Variants in UGT2A3 observed in about 807,000 individuals in gnomAD.
The protein encoded by UGT2A3 is UDP glucuronosyltransferase family 2 member A3.
A neutral mutation model predicts 44.1 loss-of-function variants in UGT2A3; 55 were observed. The ratio of observed to expected loss-of-function variants is 1.25; its 90% CI spans 1.00 to 1.56. UGT2A3 has a LOEUF of 1.56. Ranked by LOEUF, UGT2A3 falls within the 40% of genes most tolerant of loss-of-function variation. The probability of loss-of-function intolerance (pLI) is 0.00; values close to 1 mark genes in which losing one functional copy is unlikely to be tolerated. For synonymous variants in UGT2A3, 243 were observed against 215.1 expected (o/e 1.13, Z -1.13); for missense variants, 733 against 621.6 (o/e 1.18, Z -1.91).
At chr4:68,937,953 G>T (rs1577849567) in intron 2 of UGT2A3, among the ~76,000 whole-genome samples, 1 of 151,912 alleles carries the variant, frequency 6.6e-6, no homozygotes, top group African/African-American at 2.4e-5. Context: ...ATAAACTAGA[G>T]AATCTAAAGA....
intron 2 of UGT2A3, among the ~76,000 whole-genome samples, 177 bp downstream of exon 2, chr4:68,945,127 AAT>A (rs1718336240): frequency 6.6e-6 from 1 of 151,696 alleles, no homozygotes; most frequent in African/African-American, 2.4e-5. Context: ...CTACTTTCTC[AAT>A]ATAATACCGA....
At chr4:68,947,910 C>T (rs1718438262) in intron 1 of UGT2A3, among the ~76,000 whole-genome samples, 1 of 151,740 alleles carries the variant, frequency 6.6e-6, no homozygotes, top group Non-Finnish European at 1.5e-5. Context: ...ATCATCCAGG[C>T]TTTGTTGTTC....
rs769667800 is a variant in UGT2A3 at position 68,951,427 on chromosome 4, C to A, written c.334G>T (p.Asp112Tyr). Residue 112 changes from aspartate to tyrosine, a missense_variant, in exon 1 of 6, where the codon GAT becomes TAT. Asp to Tyr is a radical substitution (Grantham distance 160). Transcript: ENST00000251566. ...GTTCCTCTTATTTCAACAAAAAAAT[C>A]ATTTAATTTTATAACTGATTGCCAG... ...STWQSVIKLN[D>Y]FFVEIRGTLK... is the part of the protein sequence containing the mutation. The A allele has an allele frequency of 6.8e-6, 11 of 1,611,518 alleles. No individual in the cohort carries two copies. Among genetic ancestry groups the A allele is most frequent in the Non-Finnish European group, 8.5e-6 (10 of 1,178,964 alleles).
intron 3 of UGT2A3, among the ~76,000 whole-genome samples, chr4:68,931,530 G>T (rs1230083012): frequency 2.0e-5 from 3 of 152,030 alleles, no homozygotes; most frequent in Non-Finnish European, 4.4e-5. Flanking sequence ...TAATTCAGCA[G>T]TGGCTAATCT....
intron 1 of UGT2A3, among the ~76,000 whole-genome samples, chr4:68,949,698 C>A (rs755384532): frequency 2.0e-5 from 3 of 152,022 alleles, no homozygotes; most frequent in Admixed American, 2.0e-4. Flanking sequence ...ATGAAATACA[C>A]CTGTGCGTAA....
Position 68,929,895 on chromosome 4 carries a change from G to A in UGT2A3, c.1502C>T (p.Thr501Ile). Reference protein sequence around the residue: ...VIGFLLACVATAIFLFTKCFL... With the variant: ...VIGFLLACVAIAIFLFTKCFL... Reference sequence around the variant, plus strand: ...ACATTTTGTGAACAAGAATATAGCAGTTGCCACACAGGCCAGCAGGAACCC... The same window carrying A: ...ACATTTTGTGAACAAGAATATAGCAATTGCCACACAGGCCAGCAGGAACCC... The change falls in exon 6 of 6, where the codon ACT (threonine) becomes ATT (isoleucine). Residue 501 changes from threonine (T) to isoleucine (I), a missense_variant. By Grantham distance (89) the Thr-to-Ile change is moderately conservative. Coordinates refer to ENST00000251566, the MANE Select transcript of UGT2A3 (RefSeq NM_024743.4). 1 of 1,613,058 alleles carries A rather than the reference G, an allele frequency of 6.2e-7. No homozygotes were observed.
chr4:68,935,387 T>C (rs1717910524), intron 2 of UGT2A3, among the ~76,000 whole-genome samples: 2 of 150,090 alleles, frequency 1.3e-5, no homozygotes, highest in Non-Finnish European at 3.0e-5. Context: ...TTTGCTGTTC[T>C]GCAGCCTCTT....
At chr4:68,930,318 A>G (rs533547743) in intron 5 of UGT2A3, among the ~76,000 whole-genome samples, 1 of 152,224 alleles carries the variant, frequency 6.6e-6, no homozygotes, top group South Asian at 2.1e-4. Flanking sequence ...AGATGTGAAT[A>G]AAAGCTTAGT....
At chr4:68,932,557 C>T in intron 3 of UGT2A3, 71 bp downstream of exon 3, 1 of 1,521,230 alleles carries the variant, frequency 6.6e-7, no homozygotes, top group Non-Finnish European at 8.8e-7. Context: ...AAATGAGATT[C>T]AAGACCCAAA....
chr4:68,951,190 A>G lies in UGT2A3; in HGVS notation c.571T>C (p.Tyr191His), dbSNP rs561986343. 8.6e-5 allele frequency: 139 copies of G among 1,612,110 alleles called. No homozygotes were observed. The South Asian group carries it at 1.4e-3, about 16-fold the overall frequency. The change falls in exon 1 of 6, where the codon TAT becomes CAT. Residue 191 changes from tyrosine (Y) to histidine (H), a missense_variant. By Grantham distance (83) the Tyr-to-His change is moderately conservative. Coordinates refer to ENST00000251566, the MANE Select transcript of UGT2A3 (RefSeq NM_024743.4). ...AGTCCTGTCATAGGCACAGGTACAT[A>G]GGAAAGTGGAGCTGGAAGTTTCCCA... ...SCGKLPAPLSYVPVPMTGLTD... is the reference protein window; with the variant it reads ...SCGKLPAPLSHVPVPMTGLTD...
chr4:68,930,698 A>G lies in UGT2A3; in HGVS notation c.1152T>C (p.His384=), dbSNP rs149047334. 1.5e-5 allele frequency: 24 copies of G among 1,613,092 alleles called. No homozygotes were observed. In the African/African-American group the frequency reaches 2.5e-4, roughly 17 times the overall value. ...GMNGIYEAIY[H]GVPMVGVPIF... ...TGGGAACTCCCACCATAGGGACCCC[A>G]TGGTAAATAGCTTCATAGATCCCAT... Residue 384 remains histidine, a synonymous_variant, in exon 5 of 6, where the codon CAT becomes CAC. Coordinates refer to ENST00000251566, the MANE Select transcript of UGT2A3 (RefSeq NM_024743.4).
intron 1 of UGT2A3, among the ~76,000 whole-genome samples, chr4:68,946,537 T>C (rs1219011777): frequency 6.6e-6 from 1 of 151,694 alleles, no homozygotes; most frequent in East Asian, 1.9e-4. Context: ...GTGCCTCACA[T>C]GCTGCCTGCA....
intron 3 of UGT2A3, 135 bp from the exon 4 acceptor site, chr4:68,931,377 G>T: frequency 1.7e-6 from 1 of 577,972 alleles, no homozygotes; most frequent in South Asian, 3.3e-5. Flanking sequence ...GAGCTACCGC[G>T]TAAAGACTGA....
intron 2 of UGT2A3, among the ~76,000 whole-genome samples, chr4:68,933,614 A>G (rs7666446): frequency 0.73 from 110,884 of 151,870 alleles, 42,104 homozygotes; most frequent in Non-Finnish European, 0.86. Context: ...AGTACAGGAG[A>G]CACAATCCAA....
chr4:68,935,276 G>GTATGTATATATA (rs1717895427), intron 2 of UGT2A3, among the ~76,000 whole-genome samples: 3 of 60,118 alleles, frequency 5.0e-5, no homozygotes, highest in Non-Finnish European at 1.0e-4. Flanking sequence ...ATGTATGTAT[G>GTATGTATATATA]TATATATATA....
At chr4:68,931,429 G>A (rs1311380080) in intron 3 of UGT2A3, among the ~76,000 whole-genome samples, 187 bp from the exon 4 acceptor site, 2 of 151,984 alleles carry the variant, frequency 1.3e-5, no homozygotes, top group East Asian at 3.9e-4. Context: ...TTAAAATAAT[G>A]TGTACCAGTT....
intron 2 of UGT2A3, among the ~76,000 whole-genome samples, chr4:68,940,849 C>A (rs1212477812): frequency 6.7e-6 from 1 of 149,944 alleles, no homozygotes; most frequent in East Asian, 2.0e-4. Context: ...GGCATGAAAA[C>A]AGATACATAC....
Position 68,932,551 on chromosome 4 carries a change from G to T in UGT2A3, c.996+77C>A, listed in dbSNP as rs1011510245. 2.0e-6 allele frequency: 3 copies of T among 1,508,288 alleles called. No individual in the cohort carries two copies. In the Admixed American group the frequency reaches 6.4e-5, roughly 32 times the overall value. 93.4% of individuals were successfully genotyped at this position (1,508,288 alleles called of 1,614,324 possible). On this transcript the variant is annotated intron_variant, in intron 3 of 5. Transcript: ENST00000251566. Reference sequence around the variant, plus strand: ...GTACCTGTTATGCTAAGTGGAAAATGAGATTCAAGACCCAAATAAAACCAT... The same window carrying T: ...GTACCTGTTATGCTAAGTGGAAAATTAGATTCAAGACCCAAATAAAACCAT...
At chr4:68,936,887 G>GAAA (rs1289704368) in intron 2 of UGT2A3, among the ~76,000 whole-genome samples, 2 of 7,588 alleles carry the variant, frequency 2.6e-4, no homozygotes, top group Non-Finnish European at 4.0e-4. Flanking sequence ...TAAATGGAAA[G>GAAA]CAAAAAAAAA....
Sources: allele counts gnomAD v4.1 joint callset (sites outside exome capture counted in the v4.1 genomes callset), GRCh38; gene constraint gnomAD v4.1.1; transcripts MANE v1.5; gene names NCBI Gene and HGNC (gene_info 2026-07-23, HGNC 2026-07-21).